APLF: variants seen among roughly 807,000 people sequenced by gnomAD.
APLF encodes aprataxin and PNK-like factor.
APLF carries 61 observed loss-of-function variants against 55.6 expected under a neutral mutation model. The observed-to-expected ratio is 1.10, with a 90% CI of 0.89 to 1.36. The LOEUF is 1.36. APLF is among the 40% of genes most tolerant of loss of function. The pLI is 0.00. For missense variants in APLF, 611 were observed against 602.5 expected, an observed-to-expected ratio of 1.01 and a Z score of -0.15; for synonymous variants, 207 against 214.8, an observed-to-expected ratio of 0.96 and a Z score of 0.32.
Position 68,545,259 on chromosome 2 carries a change from C to T in APLF, c.1233C>T (p.Gly411=). The change falls in exon 8 of 10, where the codon GGC becomes GGT. Residue 411 remains glycine (G), a synonymous_variant. Transcript: ENST00000303795. The part of the protein sequence containing the change: ...DSDYGGVQIV[G]QDETDDRPEC... ...ATTATGGAGGTGTACAAATCGTGGG[C>T]CAAGATGAGACTGATGACCGGCCTG... is the stretch of plus-strand genomic sequence containing the variant. The T allele has an allele frequency of 6.2e-7, 1 of 1,613,742 alleles. No homozygotes were observed. Among genetic ancestry groups the T allele is most frequent in the Non-Finnish European group, 8.5e-7 (1 of 1,179,822 alleles).
chr2:68,517,613 TA>T (rs1669659193), intron 5 of APLF, among the ~76,000 whole-genome samples: 1 of 141,060 alleles, frequency 7.1e-6, no homozygotes, highest in Non-Finnish European at 1.5e-5. Flanking sequence ...AGTATATCAC[TA>T]ATGTTATTAA....
In APLF at chr2:68,579,131, C is replaced by T. The variant is rs556493925; in HGVS notation, c.*1109C>T. 6 of 903,520 alleles carry T rather than the reference C, an allele frequency of 6.6e-6. No individual in the cohort carries two copies. The South Asian group carries it at 3.1e-4, about 46-fold the overall frequency. 56.0% of individuals were successfully genotyped at this position (903,520 alleles called of 1,614,324 possible). On this transcript the variant is annotated 3_prime_UTR_variant, in exon 10 of 10. Transcript: ENST00000303795. The stretch of plus-strand genomic sequence containing the variant: ...GCTATTATTTTCTACTCTAAAGGAA[C>T]CTAAAAATTTATATCTTAAAAGATC...
intron 8 of APLF, among the ~76,000 whole-genome samples, chr2:68,546,154 A>T (rs1670697035): frequency 6.6e-6 from 1 of 152,154 alleles, no homozygotes; most frequent in Non-Finnish European, 1.5e-5. Context: ...GTTCATTATA[A>T]TCAACTTTAC....
rs928279886 is a variant in APLF at position 68,529,811 on chromosome 2, C to G, written c.804+3569C>G. ...CAGAGCCCTTCTGCCTGGCGCCTGG[C>G]CCAGGTGCTGGCTGGCACCCAGTGG... On this transcript the variant is annotated intron_variant, in intron 6 of 9. Transcript: ENST00000303795. This position sits in a 1 kb window ranked among gnomAD's most constrained non-coding sequence, Gnocchi z 4.4. The G allele has an allele frequency of 1.3e-5, 2 of 152,962 alleles. No homozygotes were observed. The highest frequency in any genetic ancestry group is 4.8e-5 in the African/African-American group (2 of 41,472). The allele number at this position is 152,962 out of a possible 1,614,324, so 9.5% of individuals were successfully genotyped here. A position where few individuals can be genotyped will look rare whatever the true frequency, so the allele number is the denominator to read the frequency against.
intron 3 of APLF, among the ~76,000 whole-genome samples, chr2:68,506,877 G>A (rs1022019480): frequency 5.3e-5 from 8 of 151,850 alleles, no homozygotes; most frequent in African/African-American, 1.9e-4. Context: ...CCATAATGTT[G>A]AGGGAAAAAA....
chr2:68,479,772 A>T (rs1231242738), intron 1 of APLF, among the ~76,000 whole-genome samples: 2 of 152,198 alleles, frequency 1.3e-5, no homozygotes, highest in Non-Finnish European at 2.9e-5. Flanking sequence ...ATAAAGTTAC[A>T]CCAAGTATGT....
At chr2:68,516,915 A>G (rs887636632) in intron 5 of APLF, among the ~76,000 whole-genome samples, 10 of 128,728 alleles carry the variant, frequency 7.8e-5, no homozygotes, top group African/African-American at 3.0e-4. Flanking sequence ...TATATCCTAT[A>G]TAACATTATA....
At chr2:68,506,809 A>T (rs981391990) in intron 3 of APLF, among the ~76,000 whole-genome samples, 1 of 152,018 alleles carries the variant, frequency 6.6e-6, no homozygotes, top group African/African-American at 2.4e-5. Flanking sequence ...TCCTATAACT[A>T]TATGAAAGAG....
intron 8 of APLF, among the ~76,000 whole-genome samples, chr2:68,548,516 C>G (rs536321746): frequency 1.2e-4 from 19 of 152,042 alleles, no homozygotes; most frequent in Admixed American, 3.9e-4. Flanking sequence ...CACACATGCA[C>G]ACACACATAA....
At position 68,537,200 on chromosome 2, in the gene APLF, A is replaced by G. The variant is rs535217242; in HGVS notation, c.805-672A>G. On this transcript the variant is annotated intron_variant, in intron 6 of 9. Transcript: ENST00000303795. ...AAAAGAGAAATTATAAGGACCGTGC[A>G]TGTTAAGAACATGACTCATTGTTGA... 1.2e-3 allele frequency among the ~76,000 whole-genome samples: 177 copies of G among 152,010 alleles called. 1 individual carries two copies. Among genetic ancestry groups the G allele is most frequent in the East Asian group, 0.011 (56 of 5,180 alleles).
At chr2:68,566,440 T>C (rs1027105862) in intron 8 of APLF, among the ~76,000 whole-genome samples, 1 of 152,124 alleles carries the variant, frequency 6.6e-6, no homozygotes, top group African/African-American at 2.4e-5. Flanking sequence ...AAATATTTTA[T>C]CCTCATTGCC....
intron 9 of APLF, among the ~76,000 whole-genome samples, chr2:68,576,994 C>A (rs1457031087): frequency 6.6e-6 from 1 of 151,946 alleles, no homozygotes; most frequent in Admixed American, 6.6e-5. Flanking sequence ...AGAGTAAGAT[C>A]GGGGAAGAAA....
intron 2 of APLF, among the ~76,000 whole-genome samples, chr2:68,496,779 C>T (rs1021117814): frequency 4.6e-5 from 7 of 152,172 alleles, no homozygotes; most frequent in Non-Finnish European, 7.3e-5. Flanking sequence ...CTCTAGTTCC[C>T]GATAAGTTCC....
At chr2:68,479,196 T>A (rs1438460779) in intron 1 of APLF, among the ~76,000 whole-genome samples, 2 of 152,072 alleles carry the variant, frequency 1.3e-5, no homozygotes, top group Non-Finnish European at 2.9e-5. Context: ...TGGAAAAGAT[T>A]GTCAGTGTTA....
Position 68,545,489 on chromosome 2 carries a change from G to A in APLF, c.1286+177G>A, listed in dbSNP as rs563178032. Among the ~76,000 whole-genome samples the A allele has an allele frequency of 4.6e-5, 7 of 152,178 alleles. No homozygotes were observed. The East Asian group carries it at 1.3e-3, about 29-fold the overall frequency. On this transcript the variant is annotated intron_variant, in intron 8 of 9. Coordinates refer to ENST00000303795, the MANE Select transcript of APLF (RefSeq NM_173545.3). The stretch of plus-strand genomic sequence containing the variant: ...GATGATATTTCTTTTAGCTAATTCT[G>A]AATTACTGAAGTTACACATCTACGA...
chr2:68,475,893 A>G (rs1675756982), intron 1 of APLF, among the ~76,000 whole-genome samples: 1 of 151,500 alleles, frequency 6.6e-6, no homozygotes, highest in Non-Finnish European at 1.5e-5. Context: ...ATATATATAT[A>G]TATATTTTAC....
intron 5 of APLF, among the ~76,000 whole-genome samples, chr2:68,517,521 T>G (rs930517492): frequency 7.1e-6 from 1 of 141,578 alleles, no homozygotes; most frequent in Admixed American, 7.3e-5. Context: ...TATTAATATA[T>G]CAATATATGT....
intron 4 of APLF, 138 bp downstream of exon 4, chr2:68,513,365 A>G (rs1156863241): frequency 1.2e-5 from 15 of 1,267,906 alleles, no homozygotes; most frequent in Non-Finnish European, 1.4e-5. Flanking sequence ...GTTAAGCTCT[A>G]GAGAATATGG....
intron 3 of APLF, among the ~76,000 whole-genome samples, chr2:68,510,197 C>T (rs999727285): frequency 6.6e-6 from 1 of 151,342 alleles, no homozygotes; most frequent in Non-Finnish European, 1.5e-5. Context: ...CGCACATGTA[C>T]CCTAGAACTT....
Sources: allele counts gnomAD v4.1 joint callset (sites outside exome capture counted in the v4.1 genomes callset), GRCh38; gene constraint gnomAD v4.1.1; non-coding constraint Gnocchi (gnomAD v3.1); transcripts MANE v1.5; gene names NCBI Gene and HGNC (gene_info 2026-07-23, HGNC 2026-07-21).